GABRB3: variants seen among roughly 807,000 people sequenced by gnomAD.
GABRB3 encodes gamma-aminobutyric acid receptor subunit beta-3.
GABRB3 carries 14 observed loss-of-function variants against 52.1 expected under a neutral mutation model. The observed-to-expected ratio is 0.27, with a 90% confidence interval of 0.18 to 0.42. GABRB3 has a LOEUF of 0.42. Among genes scored for constraint, GABRB3 ranks in the 10% least tolerant of loss-of-function variants. The pLI is 1.00. For synonymous variants in GABRB3, 260 were observed against 232.3 expected, an observed-to-expected ratio of 1.12 and a Z score of -1.08; for missense variants, 307 against 609.1, an observed-to-expected ratio of 0.50 and a Z score of 5.22.
chr15:26,573,769 G>A (rs570132569), intron 6 of GABRB3, among the ~76,000 whole-genome samples: 6 of 152,302 alleles, frequency 3.9e-5, no homozygotes, highest in African/African-American at 1.4e-4. Context: ...TAAAGAATGC[G>A]GCTGGTTGGG....
chr15:26,643,864 T>C (rs2140577195), intron 3 of GABRB3, among the ~76,000 whole-genome samples: 1 of 152,348 alleles, frequency 6.6e-6, no homozygotes, highest in Admixed American at 6.5e-5. Flanking sequence ...ATCCTTCCCT[T>C]TTCCAATCAC....
At chr15:26,612,322 G>A (rs1442630067) in intron 4 of GABRB3, 2 of 152,154 alleles carry the variant, frequency 1.3e-5, no homozygotes, top group Non-Finnish European at 2.9e-5. Context: ...CAATATGATT[G>A]TAAGACTAAA....
intron 4 of GABRB3, chr15:26,614,341 G>A (rs974735651): frequency 3.3e-5 from 5 of 152,190 alleles, no homozygotes; most frequent in Non-Finnish European, 7.3e-5. Context: ...TGCTGGGGGT[G>A]GGGAGCAGAG....
At chr15:26,769,237 T>C (rs1410313988) in intron 3 of GABRB3, among the ~76,000 whole-genome samples, 2 of 152,254 alleles carry the variant, frequency 1.3e-5, no homozygotes, top group East Asian at 1.9e-4. Flanking sequence ...TTTTGAACTT[T>C]GGTGAATTTG....
At chr15:26,578,491 T>C (rs1211239228) in intron 6 of GABRB3, among the ~76,000 whole-genome samples, 1 of 152,212 alleles carries the variant, frequency 6.6e-6, no homozygotes, top group Non-Finnish European at 1.5e-5. Context: ...TTCTACCACA[T>C]ACAGACTGAA....
intron 3 of GABRB3, among the ~76,000 whole-genome samples, chr15:26,713,693 A>G (rs1404221974): frequency 6.6e-6 from 1 of 152,200 alleles, no homozygotes; most frequent in African/African-American, 2.4e-5. Flanking sequence ...CTGTTTCCAT[A>G]AGATGTCGTG....
chr15:26,613,866 G>C (rs1357182109), intron 4 of GABRB3: 1 of 152,228 alleles, frequency 6.6e-6, no homozygotes, highest in Non-Finnish European at 1.5e-5. Context: ...TGTGACAGCT[G>C]AGCAATCCTT....
intron 3 of GABRB3, among the ~76,000 whole-genome samples, chr15:26,643,428 A>C (rs775371976): frequency 9.2e-5 from 14 of 152,208 alleles, no homozygotes; most frequent in South Asian, 2.1e-4. Context: ...GAGTCACTCC[A>C]TACAGCAAAC....
intron 3 of GABRB3, chr15:26,629,227 A>G: frequency 7.1e-7 from 1 of 1,410,250 alleles, no homozygotes; most frequent in Non-Finnish European, 9.3e-7. Context: ...GGGGCCTGGA[A>G]AGGAGGGCAG....
chr15:26,649,529 A>G (rs1250180466), intron 3 of GABRB3, among the ~76,000 whole-genome samples: 1 of 152,180 alleles, frequency 6.6e-6, no homozygotes, highest in African/African-American at 2.4e-5. Context: ...ATGGACTAAG[A>G]CAGGCATGAC....
chr15:26,653,979 A>G (rs780745225), intron 3 of GABRB3, among the ~76,000 whole-genome samples: 3 of 152,234 alleles, frequency 2.0e-5, no homozygotes, highest in Non-Finnish European at 2.9e-5. Flanking sequence ...AGACTAATAA[A>G]CTGCTTAAAT....
At chr15:26,619,579 T>G (rs562410095) in intron 4 of GABRB3, among the ~76,000 whole-genome samples, 3 of 148,976 alleles carry the variant, frequency 2.0e-5, no homozygotes, top group South Asian at 2.2e-4. Context: ...GATGACGAGT[T>G]AGTGGGTGCA....
At chr15:26,592,905 CTTGGGAGGCTG>C (rs1891258708) in intron 4 of GABRB3, among the ~76,000 whole-genome samples, 1 of 152,104 alleles carries the variant, frequency 6.6e-6, no homozygotes, top group African/African-American at 2.4e-5. Flanking sequence ...GTCCCAGCTA[CTTGGGAGGCTG>C]AGGCAGGAGA....
intron 3 of GABRB3, among the ~76,000 whole-genome samples, chr15:26,678,501 A>G (rs4906892): frequency 0.49 from 74,650 of 151,714 alleles, 21,113 homozygotes; most frequent in Admixed American, 0.63. Context: ...AGCACGAGAA[A>G]GAAAGAGAAA....
At chr15:26,604,467 T>C (rs1891706389) in intron 4 of GABRB3, among the ~76,000 whole-genome samples, 4 of 152,182 alleles carry the variant, frequency 2.6e-5, no homozygotes, top group Admixed American at 2.6e-4. Context: ...CACGCTATCC[T>C]AAGCAAAAGG....
chr15:26,677,513 A>G (rs1892143377), intron 3 of GABRB3, among the ~76,000 whole-genome samples: 1 of 152,082 alleles, frequency 6.6e-6, no homozygotes, highest in African/African-American at 2.4e-5. Flanking sequence ...CCACATATGC[A>G]CTTTACAGAA....
intron 3 of GABRB3, among the ~76,000 whole-genome samples, chr15:26,652,668 T>A (rs889569506): frequency 3.3e-5 from 5 of 152,192 alleles, no homozygotes; most frequent in African/African-American, 1.2e-4. Context: ...TTAGCCTAGA[T>A]GAAACCCTTA....
intron 3 of GABRB3, chr15:26,749,795 GC>G (rs1890453231): frequency 6.6e-6 from 1 of 152,176 alleles, no homozygotes; most frequent in Non-Finnish European, 1.5e-5. Context: ...CTGCTTGTCA[GC>G]AGTGTCAGGT....
chr15:26,656,764 C>T (rs1366753180), intron 3 of GABRB3, among the ~76,000 whole-genome samples: 1 of 152,220 alleles, frequency 6.6e-6, no homozygotes, highest in Non-Finnish European at 1.5e-5. Context: ...CTCCCCCAAT[C>T]GCCCATCTGT....
Sources: allele counts gnomAD v4.1 joint callset (sites outside exome capture counted in the v4.1 genomes callset), GRCh38; gene constraint gnomAD v4.1.1; transcripts MANE v1.5; gene names NCBI Gene and HGNC (gene_info 2026-07-23, HGNC 2026-07-21).